The following CHRDL2 variants were observed in gnomAD, a reference collection of about 807,000 sequenced individuals.
The protein encoded by CHRDL2 is chordin like 2.
Under a neutral mutation model 54.3 loss-of-function variants are expected in CHRDL2, and 41 were observed. That is an observed-to-expected ratio of 0.76 (90% CI 0.59 to 0.98). The LOEUF (loss-of-function observed/expected upper bound fraction) is 0.98. CHRDL2 is among the 50% of genes least tolerant of loss of function. CHRDL2 has a pLI of 0.00. For synonymous variants in CHRDL2, 220 were observed against 224.3 expected (o/e 0.98, Z 0.17); for missense variants, 518 against 562.4 (o/e 0.92, Z 0.80).
intron 1 of CHRDL2, among the ~76,000 whole-genome samples, chr11:74,727,419 T>C (rs2034589343): frequency 1.3e-5 from 2 of 152,160 alleles, no homozygotes; most frequent in African/African-American, 4.8e-5. Flanking sequence ...GGATTGTTTT[T>C]TTCTCAGCAG....
intron 1 of CHRDL2, among the ~76,000 whole-genome samples, chr11:74,728,449 A>G (rs1410494365): frequency 6.6e-6 from 1 of 152,238 alleles, no homozygotes; most frequent in Admixed American, 6.5e-5. Context: ...AATGAGGCTC[A>G]GATAAAGAAG....
At chr11:74,702,735 G>A (rs1033152601) in intron 9 of CHRDL2, 59 bp downstream of exon 9, 4 of 1,590,278 alleles carry the variant, frequency 2.5e-6, no homozygotes, top group South Asian at 1.1e-5. Flanking sequence ...GTGGGGTCTG[G>A]GGCACGGGAA....
chr11:74,709,457 TCTC>T (rs1412930902), intron 4 of CHRDL2, among the ~76,000 whole-genome samples: 1 of 152,130 alleles, frequency 6.6e-6, no homozygotes, highest in Non-Finnish European at 1.5e-5. Context: ...GTGATATCCT[TCTC>T]CTAGGGTCAT....
In CHRDL2 at chr11:74,701,246, C is replaced by T. The variant is rs151179176; in HGVS notation, c.1120+1548G>A. The T allele has an allele frequency of 7.6e-4, 178 of 235,152 alleles. 5 individuals carry two copies. In the East Asian group the frequency reaches 0.014, roughly 19 times the overall value. 14.6% of individuals were successfully genotyped at this position (235,152 alleles called of 1,614,324 possible). ...TCTAAAAACCCTCTTCCCCACTCTA[C>T]AGAAGAGAAAACTGAGGCCCAGAGA... On this transcript the variant is annotated intron_variant, in intron 9 of 10. Coordinates refer to ENST00000376332, the MANE Select transcript of CHRDL2 (RefSeq NM_001278473.3).
At chr11:74,696,609 G>A (rs763513527) in intron 10 of CHRDL2, 24 bp from the exon 11 acceptor site, 2 of 1,571,442 alleles carry the variant, frequency 1.3e-6, no homozygotes, top group South Asian at 1.1e-5. Flanking sequence ...GGCAGAAGAG[G>A]GAAGAGGCGT....
At chr11:74,720,743 C>T (rs2034483621) in intron 1 of CHRDL2, among the ~76,000 whole-genome samples, 1 of 152,224 alleles carries the variant, frequency 6.6e-6, no homozygotes, top group Admixed American at 6.5e-5. Flanking sequence ...AGCTCACATT[C>T]AGTGCAGGAA....
chr11:74,721,374 C>T (rs745814282), intron 1 of CHRDL2, among the ~76,000 whole-genome samples: 54 of 152,364 alleles, frequency 3.5e-4, no homozygotes, highest in South Asian at 1.0e-3. Flanking sequence ...CCCTTCACCT[C>T]ACCGCCTGCT....
rs779940380 is a variant in CHRDL2 at position 74,710,841 on chromosome 11, G to T, written c.432+8C>A. ...GGCCTGTGCTGAAGGGAAGGCAGGAGTTCTTACTGTGCAGCTGCAGAGGAC... is the reference window on the plus strand; with the variant it reads ...GGCCTGTGCTGAAGGGAAGGCAGGATTTCTTACTGTGCAGCTGCAGAGGAC... On this transcript the variant is annotated splice_region_variant and intron_variant, in intron 4 of 10. Coordinates refer to ENST00000376332, the MANE Select transcript of CHRDL2 (RefSeq NM_001278473.3). 3.7e-6 allele frequency: 6 copies of T among 1,613,824 alleles called. No homozygotes were observed. In the Middle Eastern group the frequency reaches 4.9e-4, roughly 133 times the overall value.
rs17133417 is a variant in CHRDL2, at chr11:74,714,280, C to A, written c.196-801G>T. 6.0e-3 allele frequency among the ~76,000 whole-genome samples: 915 copies of A among 152,272 alleles called. 10 individuals are homozygous for A. The highest frequency in any genetic ancestry group is 0.02 in the African/African-American group (838 of 41,556). ...CAACCACGAATTCCAAAGAATGGGG[C>A]CTTGCTCCAAGTTAGTGGCTGCTGG... On this transcript the variant is annotated intron_variant, in intron 2 of 10. Coordinates refer to ENST00000376332, the MANE Select transcript of CHRDL2 (RefSeq NM_001278473.3).
At chr11:74,720,108 T>C (rs368917968) in intron 1 of CHRDL2, among the ~76,000 whole-genome samples, 33 of 152,368 alleles carry the variant, frequency 2.2e-4, no homozygotes, top group African/African-American at 7.9e-4. Context: ...ACCAACATTA[T>C]TGACTATCTT....
intron 2 of CHRDL2, among the ~76,000 whole-genome samples, chr11:74,715,799 TA>T: frequency 6.6e-6 from 1 of 150,622 alleles, no homozygotes; most frequent in Admixed American, 6.6e-5. Context: ...GACAACATGG[TA>T]AAACCCGTTT....
intron 2 of CHRDL2, among the ~76,000 whole-genome samples, chr11:74,717,092 T>TCAAA (rs35991071): frequency 7.9e-4 from 118 of 149,354 alleles, no homozygotes; most frequent in Non-Finnish European, 1.4e-3. Flanking sequence ...AGACCCTGTC[T>TCAAA]CAAACAAACA....
At chr11:74,719,522 G>A (rs2135272421) in intron 1 of CHRDL2, among the ~76,000 whole-genome samples, 1 of 152,144 alleles carries the variant, frequency 6.6e-6, no homozygotes, top group East Asian at 1.9e-4. Flanking sequence ...TGGCAGGGAT[G>A]GGGCCTGAGG....
intron 2 of CHRDL2, among the ~76,000 whole-genome samples, chr11:74,718,251 TTCC>T (rs2034412530): frequency 6.6e-6 from 1 of 152,186 alleles, no homozygotes; most frequent in Non-Finnish European, 1.5e-5. Flanking sequence ...AAGAAAATCC[TTCC>T]AGGTGGAGGT....
At chr11:74,717,934 A>G (rs1166096973) in intron 2 of CHRDL2, among the ~76,000 whole-genome samples, 4 of 152,008 alleles carry the variant, frequency 2.6e-5, no homozygotes, top group African/African-American at 7.2e-5. Flanking sequence ...CGCCCCTCCA[A>G]TCTCATACCT....
At chr11:74,701,336 GT>G (rs1318293941) in intron 9 of CHRDL2, 7 of 402,546 alleles carry the variant, frequency 1.7e-5, no homozygotes, top group African/African-American at 1.4e-4. Context: ...AACTGGCAGA[GT>G]TAGGATTCGA....
chr11:74,713,532 T>C (rs2034262279), intron 2 of CHRDL2, 53 bp from the exon 3 acceptor site: 3 of 1,440,086 alleles, frequency 2.1e-6, no homozygotes, highest in Non-Finnish European at 2.9e-6. Flanking sequence ...GTCTTCCACC[T>C]GTACCTGTCC....
chr11:74,701,775 C>A, intron 9 of CHRDL2: 1 of 552,088 alleles, frequency 1.8e-6, no homozygotes, highest in South Asian at 2.4e-5. Context: ...TGTCATTTTT[C>A]TTATCATCAT....
chr11:74,696,908 A>G (rs78613942), intron 10 of CHRDL2, among the ~76,000 whole-genome samples: 222 of 152,322 alleles, frequency 1.5e-3, no homozygotes, highest in African/African-American at 5.1e-3. Flanking sequence ...AAGTGGAAAC[A>G]TTCCAGTAGA....
Sources: allele counts gnomAD v4.1 joint callset (sites outside exome capture counted in the v4.1 genomes callset), GRCh38; gene constraint gnomAD v4.1.1; transcripts MANE v1.5; gene names NCBI Gene and HGNC (gene_info 2026-07-23, HGNC 2026-07-21).